The following PTK7 variants were observed in gnomAD, a reference collection of about 807,000 sequenced individuals.
PTK7 encodes inactive tyrosine-protein kinase 7.
PTK7 carries 39 observed loss-of-function variants against 116.6 expected under a neutral mutation model. That is an observed-to-expected ratio of 0.33 (90% CI 0.26 to 0.44). The LOEUF is 0.44. Ranked by LOEUF, PTK7 falls within the 20% of genes least tolerant of loss-of-function variation. The pLI is 1.00. For synonymous variants in PTK7, 546 were observed against 563.6 expected, an observed-to-expected ratio of 0.97 and a Z score of 0.44; for missense variants, 1,169 against 1,425.6, an observed-to-expected ratio of 0.82 and a Z score of 2.90.
In PTK7 at chr6:43,099,109, C is replaced by T. The variant is rs144336722; in HGVS notation, c.79+22542C>T. 3.1e-3 allele frequency among the ~76,000 whole-genome samples: 435 copies of T among 138,880 alleles called. 2 individuals carry two copies. The highest frequency in any genetic ancestry group is 0.011 in the African/African-American group (406 of 37,020). 91.1% of individuals were successfully genotyped at this position (138,880 alleles called of 152,430 possible). On this transcript the variant is annotated intron_variant, in intron 1 of 19. Transcript: ENST00000230419. ...TAGATAAGTCATTTAGGATCCAGTA[C>T]TTAAAAAAAAAAGGAAAAAAAATGT... is the stretch of plus-strand genomic sequence containing the variant.
Position 43,130,234 on chromosome 6 carries a change from A to T in PTK7, c.475A>T (p.Thr159Ser). 1 of 1,575,466 alleles carries T rather than the reference A, an allele frequency of 6.3e-7. No homozygotes were observed. The highest frequency in any genetic ancestry group is 1.7e-5 in the Admixed American group (1 of 57,468). ...RCHIDGHPRPTYQWFRDGTPL... is the reference protein window; with the variant it reads ...RCHIDGHPRPSYQWFRDGTPL... The stretch of plus-strand genomic sequence containing the variant: ...CTGACTGTGTCTGCCCTGCAGGCCC[A>T]CCTACCAATGGTTCCGAGATGGGAC... The change falls in exon 4 of 20, where the codon ACC becomes TCC. Residue 159 changes from threonine to serine, a missense_variant. Around this residue, in one of 3 missense-constraint regions of PTK7, gnomAD observed 487 missense variants for 549.8 expected, o/e 0.89. Coordinates refer to ENST00000230419, the MANE Select transcript of PTK7 (RefSeq NM_002821.5).
chr6:43,108,411 TC>T (rs1768014556), intron 1 of PTK7, among the ~76,000 whole-genome samples: 3 of 150,500 alleles, frequency 2.0e-5, no homozygotes, highest in Admixed American at 6.6e-5. Context: ...TTTTTTTTTT[TC>T]CTTTAAAGAC....
At chr6:43,110,624 G>A in intron 1 of PTK7, among the ~76,000 whole-genome samples, 1 of 150,972 alleles carries the variant, frequency 6.6e-6, no homozygotes, top group East Asian at 2.0e-4. Flanking sequence ...ATGTTAGGCT[G>A]GTTTTGAGCT....
At chr6:43,096,743 C>T (rs1384718718) in intron 1 of PTK7, among the ~76,000 whole-genome samples, 2 of 152,250 alleles carry the variant, frequency 1.3e-5, no homozygotes, top group Admixed American at 1.3e-4. Context: ...GGCCAGCCTG[C>T]CTGCCTGTCC....
At chr6:43,095,287 G>A (rs1006014854) in intron 1 of PTK7, among the ~76,000 whole-genome samples, 5 of 150,806 alleles carry the variant, frequency 3.3e-5, no homozygotes, top group African/African-American at 1.2e-4. Flanking sequence ...CAGGAGAATC[G>A]CTTGAACCTG....
At chr6:43,080,777 A>G (rs1456026229) in intron 1 of PTK7, among the ~76,000 whole-genome samples, 1 of 152,198 alleles carries the variant, frequency 6.6e-6, no homozygotes, top group Non-Finnish European at 1.5e-5. Flanking sequence ...CCCCGTCTCT[A>G]CTAAGAATAC....
intron 1 of PTK7, among the ~76,000 whole-genome samples, chr6:43,099,454 C>A (rs1767444449): frequency 6.6e-6 from 1 of 151,368 alleles, no homozygotes; most frequent in Admixed American, 6.6e-5. Flanking sequence ...AGGCTGGTCT[C>A]AAACTCCTGA....
chr6:43,147,118 A>C (rs550135130), intron 17 of PTK7, among the ~76,000 whole-genome samples: 2 of 152,350 alleles, frequency 1.3e-5, no homozygotes, highest in East Asian at 3.9e-4. Context: ...GTGTTTCTTC[A>C]GCTCTGAGTG....
At chr6:43,101,927 G>T (rs562091745) in intron 1 of PTK7, among the ~76,000 whole-genome samples, 1 of 152,328 alleles carries the variant, frequency 6.6e-6, no homozygotes, top group African/African-American at 2.4e-5. Flanking sequence ...TGGGCGTGGT[G>T]GTTCACGCCT....
At chr6:43,114,498 T>C (rs1437115893) in intron 1 of PTK7, among the ~76,000 whole-genome samples, 1 of 152,010 alleles carries the variant, frequency 6.6e-6, no homozygotes, top group Non-Finnish European at 1.5e-5. Context: ...TGGAGGTCCG[T>C]AAGAGGTACC....
intron 1 of PTK7, among the ~76,000 whole-genome samples, chr6:43,127,073 C>T (rs541210333): frequency 6.6e-6 from 1 of 152,322 alleles, no homozygotes; most frequent in East Asian, 1.9e-4. Context: ...GACTGATTCT[C>T]ATGCCATAAA....
At chr6:43,142,630 T>C (rs932095810) in intron 13 of PTK7, 1 of 411,046 alleles carries the variant, frequency 2.4e-6, no homozygotes, top group Non-Finnish European at 4.6e-6. Flanking sequence ...CAGAATGCAG[T>C]AGGACAAGGT....
At chr6:43,130,893 C>T (rs1041692575) in intron 5 of PTK7, among the ~76,000 whole-genome samples, 1 of 152,102 alleles carries the variant, frequency 6.6e-6, no homozygotes, top group African/African-American at 2.4e-5. Context: ...AGTGATGGTT[C>T]CACTTCTCTC....
At chr6:43,090,724 C>T (rs1013890302) in intron 1 of PTK7, among the ~76,000 whole-genome samples, 1 of 152,158 alleles carries the variant, frequency 6.6e-6, no homozygotes, top group African/African-American at 2.4e-5. Context: ...TTGTCCCTCC[C>T]GCTTGGTTGC....
At chr6:43,142,412 G>A (rs753155529) in intron 13 of PTK7, 113 bp downstream of exon 13, 5 of 1,511,722 alleles carry the variant, frequency 3.3e-6, no homozygotes, top group Non-Finnish European at 4.5e-6. Context: ...TTGTGGCAGC[G>A]GTGGGGATTC....
chr6:43,104,409 A>T (rs529768153), intron 1 of PTK7, among the ~76,000 whole-genome samples: 201 of 152,220 alleles, frequency 1.3e-3, no homozygotes, highest in African/African-American at 4.0e-3. Flanking sequence ...GTATTTTTTT[A>T]AAATTATTTA....
At chr6:43,091,196 T>C (rs1352668101) in intron 1 of PTK7, among the ~76,000 whole-genome samples, 1 of 149,944 alleles carries the variant, frequency 6.7e-6, no homozygotes, top group African/African-American at 2.5e-5. Flanking sequence ...GGTCTCACTC[T>C]GTCGCCCAAG....
intron 17 of PTK7, among the ~76,000 whole-genome samples, chr6:43,147,851 C>T (rs988127953): frequency 4.6e-5 from 7 of 152,162 alleles, no homozygotes; most frequent in African/African-American, 1.7e-4. Flanking sequence ...GGAGAAGCCA[C>T]AGGATGGGAC....
At chr6:43,109,516 A>C (rs1270884110) in intron 1 of PTK7, among the ~76,000 whole-genome samples, 1 of 152,148 alleles carries the variant, frequency 6.6e-6, no homozygotes, top group Non-Finnish European at 1.5e-5. Flanking sequence ...CATTAGTACA[A>C]TATTACCAAA....
Sources: allele counts gnomAD v4.1 joint callset (sites outside exome capture counted in the v4.1 genomes callset), GRCh38; gene constraint gnomAD v4.1.1; regional missense constraint gnomAD v4.1.1; transcripts MANE v1.5; gene names NCBI Gene and HGNC (gene_info 2026-07-23, HGNC 2026-07-21).